TTC39C: variants seen among roughly 807,000 people sequenced by gnomAD.
TTC39C encodes tetratricopeptide repeat domain 39C.
Under a neutral mutation model 76.3 loss-of-function variants are expected in TTC39C, and 33 were observed. That is an observed-to-expected ratio of 0.43 (90% CI 0.33 to 0.58). TTC39C has a LOEUF of 0.58. Ranked by LOEUF, TTC39C falls within the 20% of genes least tolerant of loss-of-function variation. The pLI, the probability that TTC39C is intolerant of heterozygous loss-of-function variation, is 0.04. For synonymous variants in TTC39C, 254 were observed against 260.6 expected, an observed-to-expected ratio of 0.97 and a Z score of 0.24; for missense variants, 595 against 701.4, an observed-to-expected ratio of 0.85 and a Z score of 1.71.
chr18:24,128,905 C>G lies in TTC39C; in HGVS notation c.1440C>G (p.Asp480Glu). 1 of 1,613,432 alleles carries G rather than the reference C, an allele frequency of 6.2e-7. No homozygotes were observed. The highest frequency in any genetic ancestry group is 8.5e-7 in the Non-Finnish European group (1 of 1,179,724). ...RMSQACHEVD[D>E]SSVVGLKYLL... Reference sequence around the variant, plus strand: ...TTTAAGCTTGCCATGAAGTGGATGACTCATCTGTTGTTGGATTAAAGTATT... The same window carrying G: ...TTTAAGCTTGCCATGAAGTGGATGAGTCATCTGTTGTTGGATTAAAGTATT... The change falls in exon 11 of 14, where the codon GAC becomes GAG. Residue 480 changes from aspartate (D) to glutamate (E), a missense_variant. Physicochemically the swap from Asp to Glu is conservative, Grantham distance 45 (BLOSUM62 2). Transcript: ENST00000317571.
Position 24,133,830 on chromosome 18 carries a change from A to C in TTC39C, c.*1256A>C, listed in dbSNP as rs1365496383. 1 of 152,202 alleles carries C rather than the reference A, an allele frequency of 6.6e-6. No homozygotes were observed. Among genetic ancestry groups the C allele is most frequent in the East Asian group, 1.9e-4 (1 of 5,198 alleles). 9.4% of individuals were successfully genotyped at this position (152,202 alleles called of 1,614,324 possible). On this transcript the variant is annotated 3_prime_UTR_variant, in exon 14 of 14. Transcript: ENST00000317571. ...ATGTTTAAGGTTAGATTTTTAAAGA[A>C]ATTTTTATTGAGCTAAAGGATATCA...
intron 1 of TTC39C, among the ~76,000 whole-genome samples, chr18:24,053,517 G>C (rs2083978677): frequency 6.6e-6 from 1 of 152,196 alleles, no homozygotes; most frequent in South Asian, 2.1e-4. Flanking sequence ...TTTGAATTAA[G>C]GTTGAGGCCT....
At chr18:24,106,197 A>G (rs1177490038) in intron 6 of TTC39C, among the ~76,000 whole-genome samples, 1 of 152,076 alleles carries the variant, frequency 6.6e-6, no homozygotes, top group Non-Finnish European at 1.5e-5. Context: ...TCAATCCATA[A>G]TGGTTGACAT....
chr18:24,023,982 A>T (rs1394937435), intron 1 of TTC39C, among the ~76,000 whole-genome samples: 1 of 7,374 alleles, frequency 1.4e-4, no homozygotes, highest in Non-Finnish European at 6.0e-4. Context: ...ATATATATAC[A>T]TATATATATA....
At chr18:24,123,649 C>T (rs2085007157) in intron 8 of TTC39C, 185 bp from the exon 9 acceptor site, 2 of 456,102 alleles carry the variant, frequency 4.4e-6, no homozygotes, top group Non-Finnish European at 7.7e-6. Context: ...TCAGGTGATC[C>T]ACTCGCCTCT....
At chr18:24,097,311 C>G (rs1308258307) in intron 6 of TTC39C, among the ~76,000 whole-genome samples, 1 of 152,226 alleles carries the variant, frequency 6.6e-6, no homozygotes, top group African/African-American at 2.4e-5. Context: ...CTAGGCCACT[C>G]CCACCTCTTT....
At chr18:24,069,906 G>C (rs147960164) in intron 4 of TTC39C, among the ~76,000 whole-genome samples, 1 of 152,250 alleles carries the variant, frequency 6.6e-6, no homozygotes, top group African/African-American at 2.4e-5. Context: ...GTGGTTATGG[G>C]TGTCTCTGAT....
intron 1 of TTC39C, chr18:24,016,847 C>T (rs1409799548): frequency 1.5e-5 from 6 of 397,416 alleles, no homozygotes; most frequent in African/African-American, 4.1e-5. Flanking sequence ...AACTGTAGTA[C>T]CTCTTTTCTG....
chr18:24,013,242 TTTCTTGCTTCTGTCAGTG>T (rs1237060139), upstream of TTC39C, among the ~76,000 whole-genome samples: 1 of 152,212 alleles, frequency 6.6e-6, no homozygotes, highest in Non-Finnish European at 1.5e-5. Context: ...AATCGTCCAT[TTTCTTGCTTCTGTCAGTG>T]TTCCAGTTTG....
At chr18:24,116,819 GTTTT>G (rs767138108) in intron 7 of TTC39C, among the ~76,000 whole-genome samples, 1 of 95,068 alleles carries the variant, frequency 1.1e-5, no homozygotes. Flanking sequence ...TGATACCTTA[GTTTT>G]TTTTTTTTTT....
intron 6 of TTC39C, among the ~76,000 whole-genome samples, chr18:24,112,323 T>G (rs2084825785): frequency 6.6e-6 from 1 of 152,340 alleles, no homozygotes; most frequent in East Asian, 1.9e-4. Context: ...CACATCTGCA[T>G]ACACACTCCC....
intron 1 of TTC39C, among the ~76,000 whole-genome samples, chr18:24,061,225 TC>T (rs1468478668): frequency 5.4e-5 from 8 of 147,540 alleles, no homozygotes; most frequent in African/African-American, 1.9e-4. Context: ...TATTTAGTCT[TC>T]TTTTTTTTTT....
rs532284582 is a variant in TTC39C at position 24,114,380 on chromosome 18, A to C, written c.985-174A>C. ...GGTTCTCTGTGCTTAGGTTAATTTC[A>C]CAGCTGTTTGGGGGCAAATTGGAGT... On this transcript the variant is annotated intron_variant, in intron 6 of 13. Transcript: ENST00000317571. 3.9e-4 allele frequency: 207 copies of C among 535,754 alleles called. 3 individuals are homozygous for C. The South Asian group carries it at 4.1e-3, about 11-fold the overall frequency. 33.2% of individuals were successfully genotyped at this position (535,754 alleles called of 1,614,324 possible). A position where few individuals can be genotyped will look rare whatever the true frequency, so the allele number is the denominator to read the frequency against.
chr18:24,009,484 G>A (rs949893317), intron 1 of TTC39C, among the ~76,000 whole-genome samples: 50 of 152,198 alleles, frequency 3.3e-4, no homozygotes, highest in African/African-American at 1.1e-3. Flanking sequence ...CAAAGGAGAG[G>A]AAAACTTGAT....
At chr18:24,118,088 A>C in intron 7 of TTC39C, 37 bp from the exon 8 acceptor site, 1 of 1,571,480 alleles carries the variant, frequency 6.4e-7, no homozygotes, top group Admixed American at 1.7e-5. Context: ...AGAGCTCAGT[A>C]CTTTAGGGTC....
intron 6 of TTC39C, among the ~76,000 whole-genome samples, chr18:24,100,046 C>T (rs913048656): frequency 3.9e-5 from 6 of 151,982 alleles, no homozygotes; most frequent in Non-Finnish European, 7.4e-5. Context: ...AAATTTCCAT[C>T]GTTTCTAGTT....
chr18:24,044,153 A>G (rs2083833870), intron 1 of TTC39C, among the ~76,000 whole-genome samples: 1 of 151,966 alleles, frequency 6.6e-6, no homozygotes, highest in Admixed American at 6.6e-5. Flanking sequence ...CTTTCTCTGT[A>G]CACAGCACGG....
intron 1 of TTC39C, among the ~76,000 whole-genome samples, chr18:24,047,412 T>C (rs1209112728): frequency 2.0e-5 from 3 of 152,316 alleles, no homozygotes; most frequent in Non-Finnish European, 2.9e-5. Context: ...ATATATTTCT[T>C]AATATCAGAA....
At chr18:24,111,719 AC>A (rs1252869774) in intron 6 of TTC39C, among the ~76,000 whole-genome samples, 1 of 151,134 alleles carries the variant, frequency 6.6e-6, no homozygotes, top group Admixed American at 6.6e-5. Context: ...GTGTAGTGAG[AC>A]CCCTGTCTAC....
Sources: allele counts gnomAD v4.1 joint callset (sites outside exome capture counted in the v4.1 genomes callset), GRCh38; gene constraint gnomAD v4.1.1; transcripts MANE v1.5; gene names NCBI Gene and HGNC (gene_info 2026-07-23, HGNC 2026-07-21).